Variants in PRKN observed in about 807,000 individuals in gnomAD.
PRKN encodes the protein E3 ubiquitin-protein ligase parkin.
In PRKN, 56 loss-of-function variants were observed where a neutral mutation model predicts 59.5. The observed-to-expected ratio is 0.94, with a 90% CI of 0.76 to 1.18. The LOEUF (loss-of-function observed/expected upper bound fraction) is 1.18. Ranked by LOEUF, PRKN falls within the 50% of genes most tolerant of loss-of-function variation. The pLI is 0.00. For synonymous variants in PRKN, 250 were observed against 222.1 expected (o/e 1.13, Z -1.12); for missense variants, 657 against 596.4 (o/e 1.10, Z -1.06).
chr6:162,464,464 A>T (rs1466651081), intron 1 of PRKN, among the ~76,000 whole-genome samples: 1 of 152,126 alleles, frequency 6.6e-6, no homozygotes, highest in Non-Finnish European at 1.5e-5. Context: ...TTCCTAAAAT[A>T]TAGCACTAAT....
intron 9 of PRKN, among the ~76,000 whole-genome samples, chr6:161,535,846 C>T (rs1779393726): frequency 6.6e-6 from 1 of 152,152 alleles, no homozygotes; most frequent in Non-Finnish European, 1.5e-5. Context: ...AATAAACTCC[C>T]ATCCCCTTAA....
chr6:162,725,116 C>T (rs1337802748), intron 1 of PRKN, among the ~76,000 whole-genome samples: 1 of 152,196 alleles, frequency 6.6e-6, no homozygotes, highest in East Asian at 1.9e-4. Flanking sequence ...TGTGAGTCAG[C>T]TGGGCCTGAG....
At chr6:162,306,300 G>T (rs746849370) in intron 2 of PRKN, among the ~76,000 whole-genome samples, 1 of 152,162 alleles carries the variant, frequency 6.6e-6, no homozygotes, top group Non-Finnish European at 1.5e-5. Context: ...CTAAGGGGCT[G>T]CAGGGCTGGA....
intron 2 of PRKN, among the ~76,000 whole-genome samples, chr6:162,313,717 C>T (rs1478981442): frequency 1.3e-5 from 2 of 151,896 alleles, no homozygotes; most frequent in African/African-American, 4.8e-5. Flanking sequence ...AAATCCCTGA[C>T]CTCAGGTAAT....
chr6:161,872,374 C>A (rs568822471), intron 6 of PRKN, among the ~76,000 whole-genome samples: 31 of 152,134 alleles, frequency 2.0e-4, no homozygotes, highest in Non-Finnish European at 4.0e-4. Flanking sequence ...GCATTTAATA[C>A]CTCTAGGGAT....
At chr6:161,661,744 T>C (rs1188359579) in intron 7 of PRKN, among the ~76,000 whole-genome samples, 1 of 152,146 alleles carries the variant, frequency 6.6e-6, no homozygotes, top group Non-Finnish European at 1.5e-5. Context: ...ACAAGTACGC[T>C]GGGCACAGTG....
At chr6:161,489,447 C>A (rs568460103) in intron 9 of PRKN, among the ~76,000 whole-genome samples, 4 of 152,088 alleles carry the variant, frequency 2.6e-5, no homozygotes, top group Non-Finnish European at 5.9e-5. Context: ...GCAGTCCCAG[C>A]TACTCAGGAG....
chr6:161,779,613 T>G (rs1790118942), intron 7 of PRKN, among the ~76,000 whole-genome samples: 1 of 151,704 alleles, frequency 6.6e-6, no homozygotes, highest in African/African-American at 2.4e-5. Context: ...CCTAGCTAAT[T>G]TTTGTATTTT....
chr6:162,333,984 C>T (rs554911624), intron 2 of PRKN, among the ~76,000 whole-genome samples: 13 of 152,258 alleles, frequency 8.5e-5, no homozygotes, highest in Middle Eastern at 3.4e-3. Flanking sequence ...GATACAAGAT[C>T]GAAACAGCCA....
chr6:161,907,869 G>T (rs1778207493), intron 6 of PRKN, among the ~76,000 whole-genome samples: 1 of 152,156 alleles, frequency 6.6e-6, no homozygotes, highest in African/African-American at 2.4e-5. Flanking sequence ...CCTGAAGTCA[G>T]GAGTTCAAAA....
Position 161,386,884 on chromosome 6 carries a change from A to G in PRKN, c.1084-7T>C. ...ATTCCCGGCAGAAGGCAAACTGCAA[A>G]AGAACACACATCCATTAATTAGGGA... On this transcript the variant is annotated splice_polypyrimidine_tract_variant and splice_region_variant and intron_variant, in intron 9 of 11. Transcript: ENST00000366898. This position sits in a 1 kb window ranked among gnomAD's most constrained non-coding sequence, Gnocchi z 4.3. 1 of 1,611,402 alleles carries G rather than the reference A, an allele frequency of 6.2e-7. No individual in the cohort carries two copies. Among genetic ancestry groups the G allele is most frequent in the Non-Finnish European group, 8.5e-7 (1 of 1,177,478 alleles).
At chr6:162,491,572 C>T (rs1792818206) in intron 1 of PRKN, among the ~76,000 whole-genome samples, 1 of 152,222 alleles carries the variant, frequency 6.6e-6, no homozygotes, top group South Asian at 2.1e-4. Flanking sequence ...ATGCCTCATA[C>T]ACTGCCAGCT....
chr6:162,274,124 G>A (rs1780503352), intron 2 of PRKN, among the ~76,000 whole-genome samples: 1 of 151,892 alleles, frequency 6.6e-6, no homozygotes, highest in South Asian at 2.1e-4. Context: ...TTTGGGACTG[G>A]AAGGAATGTA....
At chr6:162,491,269 CAAAA>C (rs1415926992) in intron 1 of PRKN, among the ~76,000 whole-genome samples, 2 of 76,030 alleles carry the variant, frequency 2.6e-5, no homozygotes. Context: ...GACTCTGGCT[CAAAA>C]AAAAAAAAAA....
intron 9 of PRKN, among the ~76,000 whole-genome samples, chr6:161,439,542 G>A (rs1789091956): frequency 6.6e-6 from 1 of 152,200 alleles, no homozygotes; most frequent in South Asian, 2.1e-4. Context: ...CATTAACTGC[G>A]TGGGAGCAGC....
At chr6:161,748,853 A>G (rs1308577318) in intron 7 of PRKN, among the ~76,000 whole-genome samples, 6 of 152,150 alleles carry the variant, frequency 3.9e-5, no homozygotes, top group African/African-American at 1.4e-4. Flanking sequence ...GCAGAGCAAG[A>G]GGGGATAGCT....
intron 6 of PRKN, among the ~76,000 whole-genome samples, chr6:161,930,105 C>T (rs780207790): frequency 1.2e-4 from 18 of 152,262 alleles, no homozygotes; most frequent in African/African-American, 3.1e-4. Flanking sequence ...GGGGTTCAGA[C>T]AGCCTGGGTT....
intron 2 of PRKN, among the ~76,000 whole-genome samples, chr6:162,412,435 G>A (rs760898197): frequency 6.6e-5 from 10 of 151,884 alleles, no homozygotes; most frequent in East Asian, 2.0e-4. Flanking sequence ...CTCCCTATGC[G>A]ATGAAAATCT....
rs567420038 is a variant in PRKN at position 162,502,457 on chromosome 6, T to C, written c.8-58984A>G. Among the ~76,000 whole-genome samples, 4 of 152,282 alleles carry C rather than the reference T, an allele frequency of 2.6e-5. No homozygotes were observed. In the South Asian group the frequency reaches 8.3e-4, roughly 32 times the overall value. On this transcript the variant is annotated intron_variant, in intron 1 of 11. Transcript: ENST00000366898. ...ACAGCTGTGAGCCACCTTGCCTGGC[T>C]GAACAGTACCTCCTGAGATGAAGCA... is the stretch of plus-strand genomic sequence containing the variant.
Sources: gnomAD v4.1 joint callset for allele counts (sites outside exome capture counted in the v4.1 genomes callset) on GRCh38, gnomAD v4.1.1 for gene constraint, Gnocchi (gnomAD v3.1) non-coding constraint, MANE v1.5 for transcripts, NCBI Gene and HGNC (gene_info 2026-07-23, HGNC 2026-07-21) for gene names.